RBMS1: variants seen among roughly 807,000 people sequenced by gnomAD.
RBMS1 encodes the protein RNA-binding motif, single-stranded-interacting protein 1.
RBMS1 carries 17 observed loss-of-function variants against 62.3 expected under a neutral mutation model. The ratio of observed to expected loss-of-function variants is 0.27; its 90% confidence interval spans 0.19 to 0.41. RBMS1 has a LOEUF of 0.41. Ranked by LOEUF, RBMS1 falls within the 10% of genes least tolerant of loss-of-function variation. The pLI is 1.00. For missense variants in RBMS1, 334 were observed against 504.5 expected, an observed-to-expected ratio of 0.66 and a Z score of 3.24; for synonymous variants, 172 against 170.0, an observed-to-expected ratio of 1.01 and a Z score of -0.09.
At chr2:160,313,056 G>T in intron 4 of RBMS1, 100 bp downstream of exon 4, 2 of 1,123,456 alleles carry the variant, frequency 1.8e-6, no homozygotes, top group Non-Finnish European at 2.6e-6. Context: ...TGCTGAGTGG[G>T]ATGAAGGGGA....
chr2:160,322,135 C>T (rs922098190), intron 2 of RBMS1, among the ~76,000 whole-genome samples: 30 of 152,204 alleles, frequency 2.0e-4, no homozygotes, highest in African/African-American at 7.0e-4. Flanking sequence ...ATTTAATTAA[C>T]TTCACAACAA....
intron 12 of RBMS1, 83 bp from the exon 13 acceptor site, chr2:160,275,797 G>A (rs1687805962): frequency 1.3e-6 from 2 of 1,581,846 alleles, no homozygotes; most frequent in Non-Finnish European, 1.7e-6. Flanking sequence ...GAATCCAACA[G>A]TGCCTTAAAA....
At chr2:160,476,866 C>T (rs1403527439) in intron 1 of RBMS1, among the ~76,000 whole-genome samples, 1 of 152,188 alleles carries the variant, frequency 6.6e-6, no homozygotes, top group Non-Finnish European at 1.5e-5. Flanking sequence ...AAACACACTT[C>T]TTGTCTTTAA....
intron 1 of RBMS1, among the ~76,000 whole-genome samples, chr2:160,390,928 C>T (rs1694836164): frequency 6.6e-6 from 1 of 151,338 alleles, no homozygotes; most frequent in Non-Finnish European, 1.5e-5. Flanking sequence ...ACATTATGTA[C>T]AACAGAGCCA....
At chr2:160,467,869 T>C (rs941323267) in intron 1 of RBMS1, among the ~76,000 whole-genome samples, 2 of 152,038 alleles carry the variant, frequency 1.3e-5, no homozygotes, top group African/African-American at 4.8e-5. Flanking sequence ...TAGACATGTA[T>C]ATCTCAAGCT....
intron 1 of RBMS1, among the ~76,000 whole-genome samples, chr2:160,370,795 C>T (rs1488566969): frequency 6.6e-6 from 1 of 152,118 alleles, no homozygotes; most frequent in Non-Finnish European, 1.5e-5. Flanking sequence ...ATTCCAGCTT[C>T]TCTGAAATTT....
In RBMS1 at chr2:160,462,382, AC is replaced by A. The variant is rs527858495; in HGVS notation, c.75+30906del. Among the ~76,000 whole-genome samples the A allele has an allele frequency of 3.9e-5, 6 of 152,268 alleles. No individual in the cohort carries two copies. The East Asian group carries it at 1.2e-3, about 29-fold the overall frequency. On this transcript the variant is annotated intron_variant, in intron 1 of 13. Transcript: ENST00000348849. The stretch of plus-strand genomic sequence containing the variant: ...CAGGCCTTTAATGTTAACATATGAC[AC>A]CAGTCAAATTAGGGCAGAAAAGGAA...
chr2:160,490,038 TA>T (rs1347789502), intron 1 of RBMS1, among the ~76,000 whole-genome samples: 1 of 152,120 alleles, frequency 6.6e-6, no homozygotes, highest in African/African-American at 2.4e-5. Context: ...GCTTTTACAA[TA>T]AGTGAAATTA....
At chr2:160,449,361 C>T (rs1341508953) in intron 1 of RBMS1, among the ~76,000 whole-genome samples, 1 of 152,200 alleles carries the variant, frequency 6.6e-6, no homozygotes, top group Non-Finnish European at 1.5e-5. Context: ...GCCATGATGA[C>T]GATGGCGTTT....
chr2:160,422,874 C>T (rs1696489541), intron 1 of RBMS1, among the ~76,000 whole-genome samples: 1 of 152,190 alleles, frequency 6.6e-6, no homozygotes, highest in Admixed American at 6.5e-5. Context: ...TCATTTTACT[C>T]ATTTGCAAGT....
intron 4 of RBMS1, among the ~76,000 whole-genome samples, chr2:160,310,650 T>C (rs1036977382): frequency 2.6e-5 from 4 of 152,102 alleles, no homozygotes; most frequent in Non-Finnish European, 4.4e-5. Flanking sequence ...GGAGCTTCAG[T>C]GAGTGCATTA....
chr2:160,418,784 T>G (rs1209861728), intron 1 of RBMS1, among the ~76,000 whole-genome samples: 2 of 152,194 alleles, frequency 1.3e-5, no homozygotes, highest in Non-Finnish European at 2.9e-5. Flanking sequence ...AATGTTCCCC[T>G]TGTTATAAAA....
At chr2:160,446,685 A>G (rs763693214) in intron 1 of RBMS1, among the ~76,000 whole-genome samples, 11 of 152,112 alleles carry the variant, frequency 7.2e-5, no homozygotes, top group Non-Finnish European at 1.3e-4. Flanking sequence ...ATAAGAAATT[A>G]TTTCTGTTTT....
At chr2:160,287,921 C>T (rs1688487651) in intron 6 of RBMS1, among the ~76,000 whole-genome samples, 1 of 149,918 alleles carries the variant, frequency 6.7e-6, no homozygotes, top group African/African-American at 2.4e-5. Flanking sequence ...TACTATATTA[C>T]TTATAATATA....
At chr2:160,484,364 G>A (rs1019994997) in intron 1 of RBMS1, among the ~76,000 whole-genome samples, 2 of 151,438 alleles carry the variant, frequency 1.3e-5, no homozygotes, top group Admixed American at 6.6e-5. Flanking sequence ...ACGTGGTGGC[G>A]GGCGCCTGTA....
At chr2:160,364,006 T>G (rs773005220) in intron 2 of RBMS1, among the ~76,000 whole-genome samples, 13 of 152,054 alleles carry the variant, frequency 8.5e-5, no homozygotes, top group Non-Finnish European at 1.6e-4. Flanking sequence ...GTCAAGAAAA[T>G]GGACACAACA....
chr2:160,482,407 A>G (rs571031651), intron 1 of RBMS1, among the ~76,000 whole-genome samples: 251 of 120,700 alleles, frequency 2.1e-3, no homozygotes, highest in Non-Finnish European at 3.3e-3. Context: ...TGTGCACTAT[A>G]TAAGTTTTAA....
chr2:160,394,793 T>C lies in RBMS1; in HGVS notation c.76-27402A>G, dbSNP rs560972721. On this transcript the variant is annotated intron_variant, in intron 1 of 13. Transcript: ENST00000348849. ...TCTTTAACATTCATTAGAAAAACAT[T>C]AGTGCAAGTGTGTGCCATACTTAGA... Among the ~76,000 whole-genome samples the C allele has an allele frequency of 3.3e-5, 5 of 152,328 alleles. No individual in the cohort carries two copies. The East Asian group carries it at 9.6e-4, about 29-fold the overall frequency.
intron 1 of RBMS1, among the ~76,000 whole-genome samples, chr2:160,424,978 A>G (rs961118795): frequency 6.6e-6 from 1 of 152,168 alleles, no homozygotes; most frequent in East Asian, 1.9e-4. Context: ...TAAGATGAAG[A>G]TCTGAAGGAT....
Sources: allele counts gnomAD v4.1 joint callset (sites outside exome capture counted in the v4.1 genomes callset), GRCh38; gene constraint gnomAD v4.1.1; transcripts MANE v1.5; gene names NCBI Gene and HGNC (gene_info 2026-07-23, HGNC 2026-07-21).